The following ADAM10 variants were observed in gnomAD, a reference collection of about 807,000 sequenced individuals.
The protein encoded by ADAM10 is disintegrin and metalloproteinase domain-containing protein 10.
ADAM10 carries 17 observed loss-of-function variants against 90.1 expected under a neutral mutation model. The ratio of observed to expected loss-of-function variants is 0.19; its 90% confidence interval spans 0.13 to 0.28. The LOEUF is 0.28. ADAM10 is among the 10% of genes least tolerant of loss of function. ADAM10 has a pLI of 1.00. For synonymous variants in ADAM10, 310 were observed against 298.6 expected, an observed-to-expected ratio of 1.04 and a Z score of -0.40; for missense variants, 610 against 914.3, an observed-to-expected ratio of 0.67 and a Z score of 4.29.
At chr15:58,649,656 C>A (rs1184555890) in intron 5 of ADAM10, among the ~76,000 whole-genome samples, 1 of 152,184 alleles carries the variant, frequency 6.6e-6, no homozygotes, top group Non-Finnish European at 1.5e-5. Context: ...GAGAAATGAG[C>A]TGCCATGTTT....
rs530363849 is a variant in ADAM10 at position 58,595,236 on chromosome 15, G to C, written c.*2311C>G. 1.3e-5 allele frequency: 2 copies of C among 151,836 alleles called. No individual in the cohort carries two copies. The highest frequency in any genetic ancestry group is 4.8e-5 in the African/African-American group (2 of 41,368). 9.4% of individuals were successfully genotyped at this position (151,836 alleles called of 1,614,324 possible). ...TTTTAAAAAGGTTTATTGTGTGTAC[G>C]CAGAGTATCTAACTGGAAATTTTCT... On this transcript the variant is annotated 3_prime_UTR_variant, in exon 16 of 16. Transcript: ENST00000260408.
At chr15:58,721,934 A>T (rs1239938580) in intron 1 of ADAM10, among the ~76,000 whole-genome samples, 1 of 152,082 alleles carries the variant, frequency 6.6e-6, no homozygotes, top group Non-Finnish European at 1.5e-5. Flanking sequence ...AGGCTGAGGC[A>T]GGAGAATCGT....
In ADAM10 at chr15:58,688,786, A is replaced by ATATATATATATATATCTCTC; in HGVS notation, c.207-6473_207-6472insGAGAGATATATATATATATA. Among the ~76,000 whole-genome samples the ATATATATATATATATCTCTC allele has an allele frequency of 5.0e-3, 610 of 122,172 alleles. 3 individuals are homozygous for ATATATATATATATATCTCTC. Among genetic ancestry groups the ATATATATATATATATCTCTC allele is most frequent in the South Asian group, 8.7e-3 (30 of 3,440 alleles). The allele number at this position is 122,172 out of a possible 152,430, so 80.1% of individuals were successfully genotyped here. The stretch of plus-strand genomic sequence containing the variant: ...AAAAATTATATATATATATATATAT[A>ATATATATATATATATCTCTC]TCTCTCTCTCTCACTGGACTGACTT... On this transcript the variant is annotated intron_variant, in intron 2 of 15. Transcript: ENST00000260408.
intron 2 of ADAM10, among the ~76,000 whole-genome samples, chr15:58,697,395 C>T (rs1898010084): frequency 6.6e-6 from 1 of 152,160 alleles, no homozygotes; most frequent in Non-Finnish European, 1.5e-5. Context: ...CACCCCACCC[C>T]TGCCTACCAC....
Position 58,621,442 on chromosome 15 carries a change from T to C in ADAM10, c.1511+29A>G, listed in dbSNP as rs775016264. On this transcript the variant is annotated intron_variant, in intron 11 of 15. Coordinates refer to ENST00000260408, the MANE Select transcript of ADAM10 (RefSeq NM_001110.4). ...CTGCATTGAGGTAACTTTACAAGAA[T>C]GTTAACATCACTGAAATTAGCAAGG... is the stretch of plus-strand genomic sequence containing the variant. 9.3e-6 allele frequency: 15 copies of C among 1,613,612 alleles called. No individual in the cohort carries two copies. In the South Asian group the frequency reaches 1.2e-4, roughly 13 times the overall value.
At chr15:58,617,193 C>T (rs765462101) in intron 11 of ADAM10, among the ~76,000 whole-genome samples, 8 of 151,850 alleles carry the variant, frequency 5.3e-5, no homozygotes, top group Non-Finnish European at 1.2e-4. Context: ...ATCATCAATC[C>T]ATTAACTAGA....
Position 58,597,622 on chromosome 15 carries a change from TCTC to T in ADAM10, c.2169_2171del (p.Arg724del). The T allele has an allele frequency of 1.2e-6, 2 of 1,613,928 alleles. No homozygotes were observed. Among genetic ancestry groups the T allele is most frequent in the South Asian group, 1.1e-5 (1 of 91,052 alleles). ...GGGGTTGCTGAATGGGCTGTGGAGGTCTCCTCCTCTTTAAAGTGCCTGTGAGCC... is the reference window on the plus strand; with the variant it reads ...GGGGTTGCTGAATGGGCTGTGGAGGTCTCCTCTTTAAAGTGCCTGTGAGCC... On this transcript the variant is annotated inframe_deletion, in exon 16 of 16. Transcript: ENST00000260408.
chr15:58,698,887 G>A (rs1567001191), intron 2 of ADAM10, among the ~76,000 whole-genome samples: 1 of 152,110 alleles, frequency 6.6e-6, no homozygotes, highest in Non-Finnish European at 1.5e-5. Flanking sequence ...AACAAAATAA[G>A]AGCTGAAAAC....
chr15:58,644,075 C>A (rs540558456), intron 6 of ADAM10, 97 bp from the exon 7 acceptor site: 2 of 884,334 alleles, frequency 2.3e-6, no homozygotes, highest in South Asian at 2.8e-5. Flanking sequence ...TCATGTCCTG[C>A]CACATTCAAA....
chr15:58,696,446 ATTTC>A (rs1182043719), intron 2 of ADAM10, among the ~76,000 whole-genome samples: 18 of 149,470 alleles, frequency 1.2e-4, no homozygotes, highest in African/African-American at 3.2e-4. Flanking sequence ...CTTGATACTG[ATTTC>A]TTTTTTTCTT....
chr15:58,642,648 A>C (rs1468909451), intron 7 of ADAM10, among the ~76,000 whole-genome samples: 2 of 152,178 alleles, frequency 1.3e-5, no homozygotes, highest in African/African-American at 4.8e-5. Context: ...ACTTATATAC[A>C]TGCATTTCTT....
At chr15:58,716,339 C>T (rs1751734180) in intron 2 of ADAM10, among the ~76,000 whole-genome samples, 1 of 152,046 alleles carries the variant, frequency 6.6e-6, no homozygotes. Context: ...AAGAAGTACC[C>T]ACAAAAAGGA....
intron 1 of ADAM10, among the ~76,000 whole-genome samples, chr15:58,730,744 T>A (rs144838589): frequency 6.6e-6 from 1 of 151,106 alleles, no homozygotes; most frequent in Non-Finnish European, 1.5e-5. Flanking sequence ...GCGGGTGGAG[T>A]GGTGGGCTGA....
At chr15:58,679,768 C>T (rs1897378729) in intron 3 of ADAM10, among the ~76,000 whole-genome samples, 1 of 151,990 alleles carries the variant, frequency 6.6e-6, no homozygotes, top group Non-Finnish European at 1.5e-5. Flanking sequence ...ATTAGCTGGG[C>T]CTGGTGGCAC....
chr15:58,745,921 G>T (rs140175799), intron 1 of ADAM10, among the ~76,000 whole-genome samples: 4 of 152,156 alleles, frequency 2.6e-5, no homozygotes, highest in African/African-American at 9.7e-5. Flanking sequence ...AGAAATCCAT[G>T]AATTTCACTG....
intron 4 of ADAM10, among the ~76,000 whole-genome samples, chr15:58,677,343 T>C (rs1206755320): frequency 1.3e-5 from 2 of 152,018 alleles, no homozygotes; most frequent in Non-Finnish European, 1.5e-5. Flanking sequence ...AAAGCTGATA[T>C]CAATGATAAA....
At chr15:58,721,578 G>A (rs1444523323) in intron 1 of ADAM10, among the ~76,000 whole-genome samples, 1 of 152,092 alleles carries the variant, frequency 6.6e-6, no homozygotes, top group African/African-American at 2.4e-5. Context: ...CACACACATA[G>A]AACAAACTTC....
intron 1 of ADAM10, chr15:58,748,700 C>A (rs1319889678): frequency 7.9e-6 from 3 of 377,940 alleles, no homozygotes; most frequent in African/African-American, 2.1e-5. Flanking sequence ...CCCAATCCAG[C>A]CTACAAATCA....
At chr15:58,647,541 G>A (rs1279780289) in intron 5 of ADAM10, among the ~76,000 whole-genome samples, 2 of 150,986 alleles carry the variant, frequency 1.3e-5, no homozygotes, top group African/African-American at 4.9e-5. Flanking sequence ...TAGGATTACA[G>A]AGCCACCACC....
Sources: gnomAD v4.1 joint callset for allele counts (sites outside exome capture counted in the v4.1 genomes callset) on GRCh38, gnomAD v4.1.1 for gene constraint, MANE v1.5 for transcripts, NCBI Gene and HGNC (gene_info 2026-07-23, HGNC 2026-07-21) for gene names.